The following MACROH2A1 variants were observed in gnomAD, a reference collection of about 807,000 sequenced individuals.
MACROH2A1 encodes the protein core histone macro-H2A.1.
A neutral mutation model predicts 31.6 loss-of-function variants in MACROH2A1; 2 were observed. The observed-to-expected ratio is 0.06, with a 90% CI of 0.03 to 0.20. The LOEUF is 0.20. MACROH2A1 is among the 10% of genes least tolerant of loss of function. The pLI, the probability that MACROH2A1 is intolerant of heterozygous loss-of-function variation, is 1.00. For synonymous variants in MACROH2A1, 169 were observed against 189.6 expected, an observed-to-expected ratio of 0.89 and a Z score of 0.89; for missense variants, 230 against 474.0, an observed-to-expected ratio of 0.49 and a Z score of 4.78.
At chr5:135,385,651 A>G (rs1469468799) in intron 2 of MACROH2A1, among the ~76,000 whole-genome samples, 1 of 152,108 alleles carries the variant, frequency 6.6e-6, no homozygotes, top group Non-Finnish European at 1.5e-5. Flanking sequence ...AGGCGCATCA[A>G]GACAGATAAG....
intron 6 of MACROH2A1, chr5:135,351,689 A>G (rs1251976856): frequency 6.7e-6 from 1 of 150,360 alleles, no homozygotes; most frequent in African/African-American, 2.4e-5. Flanking sequence ...CAGCCTCCTG[A>G]GTAGCTGAGA....
chr5:135,388,808 T>C (rs1298097333), intron 2 of MACROH2A1, 114 bp downstream of exon 2: 1 of 858,006 alleles, frequency 1.2e-6, no homozygotes, highest in Non-Finnish European at 1.8e-6. Flanking sequence ...TCTTGTAACT[T>C]TTCTGTAGGT....
intron 5 of MACROH2A1, chr5:135,357,628 A>G: frequency 2.5e-6 from 1 of 399,506 alleles, no homozygotes; most frequent in Non-Finnish European, 3.4e-6. Flanking sequence ...CTGACACATT[A>G]GACACATTAG....
intron 6 of MACROH2A1, among the ~76,000 whole-genome samples, chr5:135,350,150 C>T (rs1420378022): frequency 6.6e-6 from 1 of 152,192 alleles, no homozygotes; most frequent in African/African-American, 2.4e-5. Flanking sequence ...CTATTTAGCA[C>T]ACCAGGAATC....
In MACROH2A1 at chr5:135,358,726, G is replaced by C. The variant is rs747246084; in HGVS notation, c.588+1771C>G. 4.3e-6 allele frequency: 4 copies of C among 937,064 alleles called. No homozygotes were observed. The South Asian group carries it at 2.0e-4, about 46-fold the overall frequency. 58.0% of individuals were successfully genotyped at this position (937,064 alleles called of 1,614,324 possible). On this transcript the variant is annotated intron_variant, in intron 5 of 8. Transcript: ENST00000511689. ...TGATATGTTTGTAATTTATTATAGA[G>C]TATCAATACTTTTCTATGGCTTTTT...
intron 4 of MACROH2A1, among the ~76,000 whole-genome samples, chr5:135,363,912 C>A (rs1763162781): frequency 6.6e-6 from 1 of 152,210 alleles, no homozygotes; most frequent in African/African-American, 2.4e-5. Flanking sequence ...ATTTGCATTT[C>A]TCTGATGACC....
chr5:135,360,832 AC>A, intron 4 of MACROH2A1: 1 of 676,270 alleles, frequency 1.5e-6, no homozygotes, highest in Admixed American at 2.1e-5. Flanking sequence ...GTAAAAAAAA[AC>A]CAGCCACTTA....
intron 6 of MACROH2A1, among the ~76,000 whole-genome samples, chr5:135,350,307 G>C (rs1032440319): frequency 1.3e-4 from 20 of 152,324 alleles, no homozygotes; most frequent in Non-Finnish European, 2.4e-4. Flanking sequence ...GTGTGGGCAA[G>C]CATTTGGAAA....
chr5:135,378,193 C>G (rs887941023), intron 2 of MACROH2A1, among the ~76,000 whole-genome samples: 3 of 152,232 alleles, frequency 2.0e-5, no homozygotes, highest in African/African-American at 7.2e-5. Flanking sequence ...GGGCACTGCC[C>G]TCTCCGACGC....
At chr5:135,340,269 A>G (rs1759588106) in intron 8 of MACROH2A1, among the ~76,000 whole-genome samples, 1 of 152,228 alleles carries the variant, frequency 6.6e-6, no homozygotes, top group African/African-American at 2.4e-5. Flanking sequence ...TGCCCTTGAA[A>G]GGAATAATGC....
chr5:135,358,796 G>A (rs1255959462), intron 5 of MACROH2A1: 1 of 984,092 alleles, frequency 1.0e-6, no homozygotes, highest in African/African-American at 1.8e-5. Context: ...GTCATTATTA[G>A]CCAAAATTTT....
chr5:135,343,457 GA>G (rs1561576777), intron 7 of MACROH2A1, 23 bp from the exon 8 acceptor site: 2 of 1,611,480 alleles, frequency 1.2e-6, no homozygotes, highest in Non-Finnish European at 1.7e-6. Flanking sequence ...GGATGAAACA[GA>G]AACAGTGAGC....
chr5:135,362,011 T>G (rs1366220532), intron 4 of MACROH2A1: 2 of 152,198 alleles, frequency 1.3e-5, no homozygotes, highest in African/African-American at 4.8e-5. Context: ...TCCTACTGAG[T>G]GTTTAACATT....
In MACROH2A1 at chr5:135,368,761, G is replaced by A. The variant is rs145803061; in HGVS notation, c.477+645C>T. On this transcript the variant is annotated intron_variant, in intron 4 of 8. Coordinates refer to ENST00000511689, the MANE Select transcript of MACROH2A1 (RefSeq NM_138610.3). ...CAGCAATCACAGGCCTGGACCTCCG[G>A]AGGGTGCTCCTCCACACTGAGGATC... Among the ~76,000 whole-genome samples, 18 of 152,338 alleles carry A rather than the reference G, an allele frequency of 1.2e-4. 1 individual carries two copies. The highest frequency in any genetic ancestry group is 4.1e-4 in the African/African-American group (17 of 41,588).
chr5:135,345,812 A>G, intron 7 of MACROH2A1, 156 bp downstream of exon 7: 1 of 575,934 alleles, frequency 1.7e-6, no homozygotes, highest in South Asian at 2.4e-5. Context: ...ATGTGGTGAA[A>G]CTCTAAGATG....
chr5:135,379,406 T>C (rs537242203), intron 2 of MACROH2A1, among the ~76,000 whole-genome samples: 2 of 152,296 alleles, frequency 1.3e-5, no homozygotes, highest in Admixed American at 1.3e-4. Context: ...GTCAGAGAGT[T>C]AGGCTGAGTG....
At chr5:135,375,901 A>G (rs949017803) in intron 2 of MACROH2A1, among the ~76,000 whole-genome samples, 4 of 152,028 alleles carry the variant, frequency 2.6e-5, no homozygotes, top group Non-Finnish European at 5.9e-5. Context: ...ATCAACCCCA[A>G]TCGGAAGGTG....
intron 6 of MACROH2A1, chr5:135,350,911 C>A (rs1161079103): frequency 1.2e-6 from 2 of 1,601,746 alleles, no homozygotes; most frequent in Admixed American, 3.3e-5. Context: ...GTACAACTTG[C>A]AACTATAACA....
chr5:135,336,607 G>A (rs1480063450), intron 8 of MACROH2A1, among the ~76,000 whole-genome samples: 3 of 151,868 alleles, frequency 2.0e-5, no homozygotes, highest in Non-Finnish European at 4.4e-5. Context: ...TTAGACCTGC[G>A]CAGCTTCCTC....
Sources: allele counts gnomAD v4.1 joint callset (sites outside exome capture counted in the v4.1 genomes callset), GRCh38; gene constraint gnomAD v4.1.1; transcripts MANE v1.5; gene names NCBI Gene and HGNC (gene_info 2026-07-23, HGNC 2026-07-21).